The following SNX6 variants were observed in gnomAD, a reference collection of about 807,000 sequenced individuals.
SNX6 encodes sorting nexin-6.
SNX6 carries 34 observed loss-of-function variants against 63.0 expected under a neutral mutation model. The observed-to-expected ratio is 0.54, with a 90% CI of 0.41 to 0.72. The LOEUF is 0.72. Ranked by LOEUF, SNX6 falls within the 30% of genes least tolerant of loss-of-function variation. SNX6 has a pLI of 0.00. For missense variants in SNX6, 398 were observed against 471.4 expected (o/e 0.84, Z 1.44); for synonymous variants, 170 against 164.2 (o/e 1.04, Z -0.27).
At chr14:34,563,359 C>T (rs562134759) in intron 13 of SNX6, among the ~76,000 whole-genome samples, 184 bp from the exon 14 acceptor site, 1 of 151,972 alleles carries the variant, frequency 6.6e-6, no homozygotes, top group Non-Finnish European at 1.5e-5. Flanking sequence ...GAGATCGAGA[C>T]CATCCTGGCT....
chr14:34,574,029 G>A (rs1881573319), intron 11 of SNX6, among the ~76,000 whole-genome samples: 1 of 151,854 alleles, frequency 6.6e-6, no homozygotes, highest in South Asian at 2.1e-4. Flanking sequence ...TGGAGGACTT[G>A]CATAGACCAA....
At chr14:34,567,522 C>T (rs1413530634) in intron 13 of SNX6, among the ~76,000 whole-genome samples, 164 bp downstream of exon 13, 3 of 152,006 alleles carry the variant, frequency 2.0e-5, no homozygotes, top group Non-Finnish European at 4.4e-5. Context: ...CCCAGACCAA[C>T]TATTTTGAAG....
chr14:34,629,891 G>A lies in SNX6; in HGVS notation c.54+16C>T, dbSNP rs762985953. ...AGGGTCCAGGGTCCCGCGAGCGAAA[G>A]GAAGGCAGAACTTACTCCGCGGTCC... is the stretch of plus-strand genomic sequence containing the variant. On this transcript the variant is annotated intron_variant, in intron 2 of 13. Transcript: ENST00000362031. 7 of 1,556,306 alleles carry A rather than the reference G, an allele frequency of 4.5e-6. No homozygotes were observed. The African/African-American group carries it at 6.8e-5, about 15-fold the overall frequency.
Position 34,568,717 on chromosome 14 carries a change from T to C in SNX6, c.922-704A>G, listed in dbSNP as rs549405517. ...ATGCTTCTTGTTGGCAACTGCCACC[T>C]GTCCAGCGATTCTGTCCAGATCTCT... is the stretch of plus-strand genomic sequence containing the variant. On this transcript the variant is annotated intron_variant, in intron 11 of 13. Coordinates refer to ENST00000362031, the MANE Select transcript of SNX6 (RefSeq NM_152233.4). 26 of 893,924 alleles carry C rather than the reference T, an allele frequency of 2.9e-5. No homozygotes were observed. The African/African-American group carries it at 3.4e-4, about 12-fold the overall frequency. The allele number at this position is 893,924 out of a possible 1,614,324, so 55.4% of individuals were successfully genotyped here.
intron 13 of SNX6, among the ~76,000 whole-genome samples, chr14:34,565,661 C>T (rs1384856798): frequency 3.3e-5 from 5 of 151,724 alleles, no homozygotes; most frequent in Non-Finnish European, 7.4e-5. Flanking sequence ...GGATTACAGG[C>T]GTGCACCACT....
chr14:34,566,376 C>T (rs375595973), intron 13 of SNX6, among the ~76,000 whole-genome samples: 2 of 152,114 alleles, frequency 1.3e-5, no homozygotes, highest in Admixed American at 6.6e-5. Flanking sequence ...CCACGCCCAG[C>T]TAATTTTTAT....
chr14:34,609,394 T>C (rs1883136774), intron 3 of SNX6, among the ~76,000 whole-genome samples: 1 of 138,068 alleles, frequency 7.2e-6, no homozygotes, highest in Non-Finnish European at 1.5e-5. Flanking sequence ...GGCAGGAGAA[T>C]GGCGTGAACC....
chr14:34,575,480 G>A (rs144615217), intron 11 of SNX6: 3,254 of 170,940 alleles, frequency 0.019, 108 homozygotes, highest in African/African-American at 0.068. Context: ...GATTACAGGC[G>A]TGAGCCACCA....
intron 8 of SNX6, among the ~76,000 whole-genome samples, chr14:34,589,221 G>A (rs533250862): frequency 6.6e-6 from 1 of 151,256 alleles, no homozygotes; most frequent in African/African-American, 2.4e-5. Context: ...TTTGGGGGCC[G>A]AGGTGGGCAG....
chr14:34,604,044 T>C (rs1214796386), intron 5 of SNX6: 1 of 978,636 alleles, frequency 1.0e-6, no homozygotes, highest in Non-Finnish European at 1.3e-6. Flanking sequence ...GTAATACATG[T>C]CAGTTTGGGG....
intron 2 of SNX6, among the ~76,000 whole-genome samples, chr14:34,614,261 T>TAA (rs200345858): frequency 6.7e-6 from 1 of 150,308 alleles, no homozygotes; most frequent in African/African-American, 2.4e-5. Context: ...ACCCCATCTC[T>TAA]AAAAAAAAAC....
At chr14:34,625,523 A>G (rs1445666850) in intron 2 of SNX6, among the ~76,000 whole-genome samples, 1 of 151,990 alleles carries the variant, frequency 6.6e-6, no homozygotes, top group Non-Finnish European at 1.5e-5. Context: ...CCCTGTGGTC[A>G]GGAGTTTGAG....
At chr14:34,612,588 C>T (rs1031816259) in intron 2 of SNX6, among the ~76,000 whole-genome samples, 1 of 152,082 alleles carries the variant, frequency 6.6e-6, no homozygotes, top group Non-Finnish European at 1.5e-5. Flanking sequence ...CATGCACAAC[C>T]AGGCCCAGCT....
intron 11 of SNX6, among the ~76,000 whole-genome samples, chr14:34,569,845 T>C (rs972247666): frequency 6.6e-6 from 1 of 152,220 alleles, no homozygotes; most frequent in African/African-American, 2.4e-5. Flanking sequence ...AATGCTGCTG[T>C]GAACATTTGC....
At chr14:34,597,817 GT>G (rs1882662095) in intron 6 of SNX6, among the ~76,000 whole-genome samples, 172 bp from the exon 7 acceptor site, 1 of 152,094 alleles carries the variant, frequency 6.6e-6, no homozygotes, top group South Asian at 2.1e-4. Flanking sequence ...TAAAAAAGGA[GT>G]TTGGTAATAA....
intron 2 of SNX6, among the ~76,000 whole-genome samples, chr14:34,622,460 G>A (rs867331119): frequency 6.0e-5 from 9 of 150,754 alleles, no homozygotes; most frequent in Non-Finnish European, 7.4e-5. Context: ...GCGGGCACCT[G>A]TAGTCCCAGC....
chr14:34,623,839 CAT>C (rs1883720623), intron 2 of SNX6, among the ~76,000 whole-genome samples: 1 of 152,164 alleles, frequency 6.6e-6, no homozygotes, highest in Non-Finnish European at 1.5e-5. Context: ...AAACAATAAA[CAT>C]ATTATTTAGA....
At position 34,584,760 on chromosome 14, in the gene SNX6, T is replaced by C. The variant is rs908824924; in HGVS notation, c.794+1470A>G. On this transcript the variant is annotated intron_variant, in intron 9 of 13. Transcript: ENST00000362031. ...TTGGGGAGGAAGAAAAAAAAATATA[T>C]ATAGAGAGAGAGAGTAAAGTCGATT... 6.3e-5 allele frequency among the ~76,000 whole-genome samples: 9 copies of C among 143,186 alleles called. No homozygotes were observed. In the South Asian group the frequency reaches 1.9e-3, roughly 30 times the overall value. 93.9% of individuals were successfully genotyped at this position (143,186 alleles called of 152,430 possible). A position where few individuals can be genotyped will look rare whatever the true frequency, so the allele number is the denominator to read the frequency against.
intron 13 of SNX6, among the ~76,000 whole-genome samples, chr14:34,565,176 C>A (rs530565760): frequency 6.6e-6 from 1 of 150,412 alleles, no homozygotes; most frequent in East Asian, 2.0e-4. Flanking sequence ...CTCCCGGGTT[C>A]ACGCCATTCT....
Sources: gnomAD v4.1 joint callset for allele counts (sites outside exome capture counted in the v4.1 genomes callset) on GRCh38, gnomAD v4.1.1 for gene constraint, MANE v1.5 for transcripts, NCBI Gene and HGNC (gene_info 2026-07-23, HGNC 2026-07-21) for gene names.